The following KCNMB2 variants were observed in gnomAD, a reference collection of about 807,000 sequenced individuals.
KCNMB2 encodes the protein potassium calcium-activated channel subfamily M regulatory beta subunit 2, also known as calcium-activated potassium channel subunit beta-2.
KCNMB2 carries 9 observed loss-of-function variants against 24.5 expected under a neutral mutation model. The observed-to-expected ratio is 0.37, with a 90% CI of 0.22 to 0.64. The LOEUF is 0.64. KCNMB2 is among the 30% of genes least tolerant of loss of function. KCNMB2 has a pLI of 0.63. For missense variants in KCNMB2, 226 were observed against 284.3 expected (o/e 0.79, Z 1.47); for synonymous variants, 109 against 104.4 (o/e 1.04, Z -0.27).
Position 178,654,708 on chromosome 3 carries a change from GT to G in KCNMB2, c.-68+118002del, listed in dbSNP as rs925735757. Among the ~76,000 whole-genome samples, 9 of 152,244 alleles carry G rather than the reference GT, an allele frequency of 5.9e-5. No individual in the cohort carries two copies. The East Asian group carries it at 1.7e-3, about 29-fold the overall frequency. On this transcript the variant is annotated intron_variant, in intron 1 of 4. Coordinates refer to ENST00000452583, the MANE Select transcript of KCNMB2 (RefSeq NM_181361.3). ...GGTTTTTGTTTTTTAAGTGTAGAGA[GT>G]TTTTGGTAAGGAAAACACAAGAGGC...
intron 1 of KCNMB2, among the ~76,000 whole-genome samples, chr3:178,688,845 C>T (rs1290256521): frequency 6.6e-6 from 1 of 152,072 alleles, no homozygotes; most frequent in Non-Finnish European, 1.5e-5. Context: ...AGGTGGTAAA[C>T]GTTCTCATAT....
chr3:178,615,248 C>A (rs1361204878), intron 1 of KCNMB2, among the ~76,000 whole-genome samples: 1 of 152,156 alleles, frequency 6.6e-6, no homozygotes, highest in Non-Finnish European at 1.5e-5. Context: ...TGCATCTCGC[C>A]CATGGCCTGC....
At chr3:178,802,495 T>G (rs1713811317) in intron 1 of KCNMB2, among the ~76,000 whole-genome samples, 1 of 152,124 alleles carries the variant, frequency 6.6e-6, no homozygotes, top group African/African-American at 2.4e-5. Flanking sequence ...GAGAAGACAC[T>G]GAGAAGTGGC....
intron 1 of KCNMB2, among the ~76,000 whole-genome samples, chr3:178,634,816 C>A (rs1719455880): frequency 6.6e-6 from 1 of 152,086 alleles, no homozygotes; most frequent in Non-Finnish European, 1.5e-5. Flanking sequence ...GCCTATGACC[C>A]TGAAGGCCTC....
At position 178,689,141 on chromosome 3, in the gene KCNMB2, A is replaced by G. The variant is rs116717196; in HGVS notation, c.-67-118202A>G. Among the ~76,000 whole-genome samples the G allele has an allele frequency of 6.8e-3, 1,031 of 152,274 alleles. 12 individuals are homozygous for G. Among genetic ancestry groups the G allele is most frequent in the African/African-American group, 0.024 (1,000 of 41,546 alleles). On this transcript the variant is annotated intron_variant, in intron 1 of 4. Coordinates refer to ENST00000452583, the MANE Select transcript of KCNMB2 (RefSeq NM_181361.3). ...AAATATTGTTGTTTATTATAATGCA[A>G]ATTTCTATTGTTATAGTGGATTTGT...
chr3:178,743,312 A>G (rs927384407), intron 1 of KCNMB2, among the ~76,000 whole-genome samples: 1 of 152,232 alleles, frequency 6.6e-6, no homozygotes, highest in Non-Finnish European at 1.5e-5. Flanking sequence ...CAAGACAGAC[A>G]CAAAAACAGA....
At chr3:178,766,628 C>T (rs1283681384) in intron 1 of KCNMB2, among the ~76,000 whole-genome samples, 1 of 152,048 alleles carries the variant, frequency 6.6e-6, no homozygotes, top group African/African-American at 2.4e-5. Flanking sequence ...ATATGCCTTC[C>T]CAACTAGATT....
intron 1 of KCNMB2, among the ~76,000 whole-genome samples, chr3:178,765,636 CGTGTGCATGTGTGCATGTCCACGTGT>C (rs1356048101): frequency 6.6e-6 from 1 of 151,558 alleles, no homozygotes; most frequent in Non-Finnish European, 1.5e-5. Context: ...TGTGCACGCG[CGTGTGCATGTGTGCATGTCCACGTGT>C]GTGTGCATGT....
Position 178,828,296 on chromosome 3 carries a change from G to C in KCNMB2, c.346G>C (p.Val116Leu). Residue 116 changes from valine (V) to leucine (L), a missense_variant, in exon 4 of 5, where the codon GTG (valine) becomes CTG (leucine). Physicochemically the swap from Val to Leu is conservative, Grantham distance 32. Transcript: ENST00000452583. The stretch of plus-strand genomic sequence containing the variant: ...ACTTTCTCAGTACCCCTGCCTCCAG[G>C]TGTACGTTAACCTGACTTCTTCCGG... Reference protein sequence around the residue: ...WKLSQYPCLQVYVNLTSSGEK... With the variant: ...WKLSQYPCLQLYVNLTSSGEK... 6.2e-7 allele frequency: 1 copy of C among 1,613,948 alleles called. No individual in the cohort carries two copies. Among genetic ancestry groups the C allele is most frequent in the East Asian group, 2.2e-5 (1 of 44,876 alleles).
intron 1 of KCNMB2, among the ~76,000 whole-genome samples, chr3:178,758,426 G>T (rs1254519480): frequency 3.0e-5 from 1 of 32,986 alleles, no homozygotes; most frequent in Non-Finnish European, 5.5e-5. Context: ...ATCCAAGAGG[G>T]GATATATATA....
intron 1 of KCNMB2, among the ~76,000 whole-genome samples, chr3:178,620,198 G>A (rs941942709): frequency 2.0e-5 from 3 of 151,958 alleles, no homozygotes; most frequent in Non-Finnish European, 2.9e-5. Context: ...ATGAACATAC[G>A]ATTATAATGA....
chr3:178,705,615 C>G (rs185551161), intron 1 of KCNMB2, among the ~76,000 whole-genome samples: 4 of 152,188 alleles, frequency 2.6e-5, no homozygotes, highest in South Asian at 4.2e-4. Context: ...CATACACACT[C>G]CAGAAGGGTT....
chr3:178,781,707 G>A (rs1712850714), intron 1 of KCNMB2, among the ~76,000 whole-genome samples: 1 of 151,760 alleles, frequency 6.6e-6, no homozygotes, highest in African/African-American at 2.4e-5. Flanking sequence ...GGGGAGTGAT[G>A]GACCACCTCT....
intron 1 of KCNMB2, among the ~76,000 whole-genome samples, chr3:178,781,421 G>A (rs370591330): frequency 1.3e-4 from 20 of 151,770 alleles, no homozygotes; most frequent in African/African-American, 3.4e-4. Flanking sequence ...GTGAAACCCC[G>A]TCTCTACTAA....
intron 1 of KCNMB2, among the ~76,000 whole-genome samples, chr3:178,710,215 G>A (rs1297414370): frequency 1.3e-5 from 2 of 151,974 alleles, no homozygotes; most frequent in African/African-American, 4.8e-5. Flanking sequence ...GAACTAAATG[G>A]CACCCTCAAG....
chr3:178,562,348 C>T (rs1716352287), intron 1 of KCNMB2, among the ~76,000 whole-genome samples: 1 of 152,106 alleles, frequency 6.6e-6, no homozygotes, highest in Non-Finnish European at 1.5e-5. Context: ...CACAGCTGGG[C>T]CAAGACTGCG....
intron 1 of KCNMB2, among the ~76,000 whole-genome samples, chr3:178,672,205 C>T (rs1307677228): frequency 6.6e-6 from 1 of 152,138 alleles, no homozygotes; most frequent in East Asian, 1.9e-4. Context: ...TTCTACGTTC[C>T]AGGACTCTAC....
chr3:178,828,031 G>A lies in KCNMB2; in HGVS notation c.228-147G>A, dbSNP rs537600626. The stretch of plus-strand genomic sequence containing the variant: ...TAGTTTGCTTAAAGCTGTTCTATTC[G>A]AAGGCCTAAACTTTACACAGATAGA... On this transcript the variant is annotated intron_variant, in intron 3 of 4. Transcript: ENST00000452583. 3.5e-4 allele frequency: 218 copies of A among 622,408 alleles called. 3 individuals carry two copies. Among genetic ancestry groups the A allele is most frequent in the African/African-American group, 2.4e-3 (129 of 54,110 alleles). The allele number at this position is 622,408 out of a possible 1,614,324, so 38.6% of individuals were successfully genotyped here. A position where few individuals can be genotyped will look rare whatever the true frequency, so the allele number is the denominator to read the frequency against.
At chr3:178,832,772 G>T in intron 4 of KCNMB2, among the ~76,000 whole-genome samples, 1 of 80,708 alleles carries the variant, frequency 1.2e-5, no homozygotes, top group Non-Finnish European at 2.3e-5. Flanking sequence ...ATCCAACTGA[G>T]TCTTGTTTTA....
Sources: allele counts gnomAD v4.1 joint callset (sites outside exome capture counted in the v4.1 genomes callset), GRCh38; gene constraint gnomAD v4.1.1; transcripts MANE v1.5; gene names NCBI Gene and HGNC (gene_info 2026-07-23, HGNC 2026-07-21).